The following NPY2R variants were observed in gnomAD, a reference collection of about 807,000 sequenced individuals.
NPY2R encodes the protein neuropeptide Y receptor type 2.
NPY2R carries 17 observed loss-of-function variants against 22.3 expected under a neutral mutation model. That is an observed-to-expected ratio of 0.76 (90% CI 0.52 to 1.14). The LOEUF (loss-of-function observed/expected upper bound fraction) is 1.14, where lower values mean the gene tolerates loss of function less well. NPY2R is among the 50% of genes most tolerant of loss of function. The pLI is 0.00. For missense variants in NPY2R, 424 were observed against 467.9 expected (o/e 0.91, Z 0.87); for synonymous variants, 209 against 183.4 (o/e 1.14, Z -1.13).
chr4:155,185,865 GA>G, the NPY2R span, among the ~76,000 whole-genome samples: 2 of 150,288 alleles, frequency 1.3e-5, no homozygotes, highest in Non-Finnish European at 2.9e-5. Context: ...TCTATTGTAA[GA>G]AATATTAACT....
upstream of NPY2R, among the ~76,000 whole-genome samples, chr4:155,204,899 G>A (rs1037791568): frequency 4.0e-5 from 6 of 151,718 alleles, 1 homozygote; most frequent in South Asian, 1.3e-3. Flanking sequence ...ATTGGTTTCA[G>A]GACCCCTGCA....
chr4:155,216,292 T>C lies in NPY2R; in HGVS notation c.*1207T>C, dbSNP rs1234832851. ...AATATGAATATATACATAAAAATTG[T>C]TTCTATAAATTGTAGAACATAGATG... On this transcript the variant is annotated 3_prime_UTR_variant, in exon 2 of 2. Transcript: ENST00000329476. The C allele has an allele frequency of 6.0e-6, 1 of 166,644 alleles. No individual in the cohort carries two copies. The highest frequency in any genetic ancestry group is 1.5e-5 in the Non-Finnish European group (1 of 68,008). The allele number at this position is 166,644 out of a possible 1,614,324, so 10.3% of individuals were successfully genotyped here. A position where few individuals can be genotyped will look rare whatever the true frequency, so the allele number is the denominator to read the frequency against.
chr4:155,187,141 G>T, the NPY2R span, among the ~76,000 whole-genome samples: 1 of 152,180 alleles, frequency 6.6e-6, no homozygotes, highest in Non-Finnish European at 1.5e-5. Context: ...CTCAGTTACA[G>T]ATGTGCAGGC....
At chr4:155,178,708 A>G in the NPY2R span, among the ~76,000 whole-genome samples, 71,132 of 151,606 alleles carry the variant, frequency 0.47, 17,312 homozygotes, top group East Asian at 0.69. Flanking sequence ...AAATTGTCAA[A>G]TCTGAATAAA....
At chr4:155,175,189 G>T in the NPY2R span, among the ~76,000 whole-genome samples, 1 of 151,980 alleles carries the variant, frequency 6.6e-6, no homozygotes, top group Non-Finnish European at 1.5e-5. Flanking sequence ...AGTACCATTT[G>T]CAAAAAAACA....
At chr4:155,191,465 T>C in the NPY2R span, among the ~76,000 whole-genome samples, 6 of 151,928 alleles carry the variant, frequency 3.9e-5, no homozygotes, top group African/African-American at 1.2e-4. Context: ...TCTAAACTTA[T>C]GTGAAAACTT....
In NPY2R at chr4:155,215,550, T is replaced by G. The variant is rs901128685; in HGVS notation, c.*465T>G. 5.0e-6 allele frequency: 1 copy of G among 199,202 alleles called. No individual in the cohort carries two copies. The allele number at this position is 199,202 out of a possible 1,614,324, so 12.3% of individuals were successfully genotyped here. A position where few individuals can be genotyped will look rare whatever the true frequency, so the allele number is the denominator to read the frequency against. On this transcript the variant is annotated 3_prime_UTR_variant, in exon 2 of 2. Transcript: ENST00000329476. The stretch of plus-strand genomic sequence containing the variant: ...TCTCCAGGGAGCCACAGGCTCTCCT[T>G]CATCGCATTTTGATTTTTTTGTTCA...
the NPY2R span, among the ~76,000 whole-genome samples, chr4:155,202,051 C>G: frequency 6.6e-6 from 1 of 152,242 alleles, no homozygotes. Context: ...ATGTCTTTAA[C>G]TTTGGAAATT....
chr4:155,198,571 ATATATATAATATAT>A, the NPY2R span, among the ~76,000 whole-genome samples: 8 of 146,758 alleles, frequency 5.5e-5, no homozygotes, highest in African/African-American at 1.5e-4. Context: ...AATATATTTG[ATATATATAATATAT>A]TATATATAAT....
At chr4:155,202,494 C>A in the NPY2R span, among the ~76,000 whole-genome samples, 12 of 152,076 alleles carry the variant, frequency 7.9e-5, no homozygotes, top group Admixed American at 1.3e-4. Context: ...ATAAAGATTT[C>A]TTTGTAGGAG....
the NPY2R span, among the ~76,000 whole-genome samples, chr4:155,201,923 T>C: frequency 2.0e-5 from 3 of 152,186 alleles, no homozygotes; most frequent in Non-Finnish European, 4.4e-5. Context: ...ACTGACTATA[T>C]ATGCATTCAC....
At chr4:155,209,847 T>C (rs983589685) in intron 1 of NPY2R, among the ~76,000 whole-genome samples, 3 of 151,918 alleles carry the variant, frequency 2.0e-5, no homozygotes. Context: ...TGTGACAATA[T>C]TGTTGCAAAA....
Position 155,216,062 on chromosome 4 carries a change from A to C in NPY2R, c.*977A>C, listed in dbSNP as rs1729508551. The C allele has an allele frequency of 6.0e-6, 1 of 167,016 alleles. No homozygotes were observed. Among genetic ancestry groups the C allele is most frequent in the Non-Finnish European group, 1.5e-5 (1 of 68,106 alleles). 10.3% of individuals were successfully genotyped at this position (167,016 alleles called of 1,614,324 possible). Reference sequence around the variant, plus strand: ...GTACATAGCTCTCATGTATTTAAAGAACACTGCAGTGTTATTTTCTTTGAA... The same window carrying C: ...GTACATAGCTCTCATGTATTTAAAGCACACTGCAGTGTTATTTTCTTTGAA... On this transcript the variant is annotated 3_prime_UTR_variant, in exon 2 of 2. Coordinates refer to ENST00000329476, the MANE Select transcript of NPY2R (RefSeq NM_000910.4).
upstream of NPY2R, chr4:155,207,591 T>C (rs1173699764): frequency 6.6e-6 from 1 of 152,304 alleles, no homozygotes; most frequent in African/African-American, 2.4e-5. Context: ...TGGCTTCGAA[T>C]AGGGTTCCTG....
chr4:155,174,487 T>A, the NPY2R span, among the ~76,000 whole-genome samples: 405 of 116,896 alleles, frequency 3.5e-3, no homozygotes, highest in East Asian at 0.01. Context: ...TATATATATT[T>A]TTTTTTTTAA....
At chr4:155,200,943 C>T in the NPY2R span, among the ~76,000 whole-genome samples, 2 of 152,022 alleles carry the variant, frequency 1.3e-5, no homozygotes, top group African/African-American at 4.8e-5. Context: ...ATAGGTGCAG[C>T]GAATCACCAT....
At chr4:155,186,080 C>T in the NPY2R span, among the ~76,000 whole-genome samples, 1 of 152,138 alleles carries the variant, frequency 6.6e-6, no homozygotes, top group South Asian at 2.1e-4. Context: ...GCCTTATGAT[C>T]AAGCTGTCAG....
intron 1 of NPY2R, among the ~76,000 whole-genome samples, chr4:155,212,106 A>G (rs1729417027): frequency 6.6e-6 from 1 of 152,344 alleles, no homozygotes; most frequent in African/African-American, 2.4e-5. Context: ...AGGCCCAGCC[A>G]AGCATTATCT....
chr4:155,205,973 G>A (rs559156795), upstream of NPY2R, among the ~76,000 whole-genome samples: 12 of 152,002 alleles, frequency 7.9e-5, no homozygotes, highest in East Asian at 1.9e-4. Flanking sequence ...CTTAAAAATC[G>A]TATCTGACAA....
Sources: gnomAD v4.1 joint callset for allele counts (sites outside exome capture counted in the v4.1 genomes callset) on GRCh38, gnomAD v4.1.1 for gene constraint, MANE v1.5 for transcripts, NCBI Gene and HGNC (gene_info 2026-07-23, HGNC 2026-07-21) for gene names.